Variants in LMBRD1 observed in about 807,000 individuals in gnomAD.
The protein encoded by LMBRD1 is lysosomal cobalamin transport escort protein LMBD1.
LMBRD1 carries 64 observed loss-of-function variants against 74.8 expected under a neutral mutation model. The observed-to-expected ratio is 0.86, with a 90% CI of 0.70 to 1.05. The LOEUF (loss-of-function observed/expected upper bound fraction) is 1.05, where lower values mean the gene tolerates loss of function less well. LMBRD1 is among the 50% of genes least tolerant of loss of function. The pLI, the probability that LMBRD1 is intolerant of heterozygous loss-of-function variation, is 0.00. For synonymous variants in LMBRD1, 204 were observed against 216.3 expected (o/e 0.94, Z 0.50); for missense variants, 652 against 645.9 (o/e 1.01, Z -0.10).
At chr6:69,790,262 G>C (rs1182620473) in intron 2 of LMBRD1, 34 bp downstream of exon 2, 3 of 1,497,234 alleles carry the variant, frequency 2.0e-6, no homozygotes, top group Non-Finnish European at 9.3e-7. Context: ...AAATTTGAAA[G>C]GAAAAAAAAT....
intron 3 of LMBRD1, among the ~76,000 whole-genome samples, chr6:69,768,845 C>A (rs928340163): frequency 6.6e-6 from 1 of 151,834 alleles, no homozygotes; most frequent in Non-Finnish European, 1.5e-5. Context: ...ACACAGAAAT[C>A]TTTATTTTTT....
intron 14 of LMBRD1, among the ~76,000 whole-genome samples, chr6:69,688,525 C>A (rs778385361): frequency 6.6e-6 from 1 of 151,090 alleles, no homozygotes; most frequent in Non-Finnish European, 1.5e-5. Flanking sequence ...AAAGACGGTA[C>A]AAAGACTTTA....
chr6:69,787,877 T>C (rs909607579), intron 2 of LMBRD1, among the ~76,000 whole-genome samples: 2 of 151,848 alleles, frequency 1.3e-5, no homozygotes, highest in African/African-American at 4.8e-5. Flanking sequence ...TACAGCCATA[T>C]TTTTTTTCTT....
At chr6:69,773,683 C>CTAA in intron 3 of LMBRD1, among the ~76,000 whole-genome samples, 1 of 152,070 alleles carries the variant, frequency 6.6e-6, no homozygotes, top group Admixed American at 6.5e-5. Context: ...TATTAAACAC[C>CTAA]TAATAAACTG....
Position 69,697,637 on chromosome 6 carries a change from T to TTAA in LMBRD1, c.1342_1343insTTA (p.Thr447_Asn448insIle), listed in dbSNP as rs1562088287. ...GCCTTTATGATTATCAGAAGTTATA[T>TTAA]TAGTCTGAAAGATAAAAATACAGTT... On this transcript the variant is annotated inframe_insertion, in exon 14 of 16. Coordinates refer to ENST00000649934, the MANE Select transcript of LMBRD1 (RefSeq NM_018368.4). 6.4e-7 allele frequency: 1 copy of TTAA among 1,566,116 alleles called. No individual in the cohort carries two copies. Among genetic ancestry groups the TTAA allele is most frequent in the East Asian group, 2.2e-5 (1 of 44,504 alleles).
chr6:69,691,631 C>T (rs2149839506), intron 14 of LMBRD1, among the ~76,000 whole-genome samples: 1 of 152,132 alleles, frequency 6.6e-6, no homozygotes, highest in East Asian at 1.9e-4. Context: ...AATCCCAGCA[C>T]TTTGGGAGGC....
Position 69,718,916 on chromosome 6 carries a change from T to C in LMBRD1, c.762+40A>G, listed in dbSNP as rs773969478. 2.5e-6 allele frequency: 4 copies of C among 1,607,068 alleles called. No homozygotes were observed. The African/African-American group carries it at 4.0e-5, about 16-fold the overall frequency. On this transcript the variant is annotated intron_variant, in intron 8 of 15. Transcript: ENST00000649934. Reference sequence around the variant, plus strand: ...ATCAGAAAGCAGCTCTAAGACAAAGTAGTTTTATGCTTCCCAATTACACCA... The same window carrying C: ...ATCAGAAAGCAGCTCTAAGACAAAGCAGTTTTATGCTTCCCAATTACACCA...
At position 69,774,992 on chromosome 6, in the gene LMBRD1, AGGGAGGGAGGGAGGGAGGG is replaced by A. The variant is rs1562121760; in HGVS notation, c.307+5483_307+5501del. On this transcript the variant is annotated intron_variant, in intron 3 of 15. Transcript: ENST00000649934. ...AAGGAAGGAAGGAAGGAAGGAAGGG[AGGGAGGGAGGGAGGGAGGG>A]AGGGAGGGAGGGAGGGAGGGAGGGA... 5.0e-3 allele frequency among the ~76,000 whole-genome samples: 156 copies of A among 31,212 alleles called. 5 individuals are homozygous for A. The highest frequency in any genetic ancestry group is 5.9e-3 in the East Asian group (7 of 1,196). The allele number at this position is 31,212 out of a possible 152,430, so 20.5% of individuals were successfully genotyped here. A position where few individuals can be genotyped will look rare whatever the true frequency, so the allele number is the denominator to read the frequency against.
chr6:69,739,220 T>C lies in LMBRD1; in HGVS notation c.563-1205A>G, dbSNP rs72910832. Among the ~76,000 whole-genome samples the C allele has an allele frequency of 8.1e-4, 124 of 152,188 alleles. 1 individual carries two copies. Among genetic ancestry groups the C allele is most frequent in the Non-Finnish European group, 1.5e-3 (103 of 67,982 alleles). On this transcript the variant is annotated intron_variant, in intron 6 of 15. Transcript: ENST00000649934. ...ATTATGTGTCTTAGAAATGGTAAAATAGACATGCTGACATATTTGGCCAAT... is the reference window on the plus strand; with the variant it reads ...ATTATGTGTCTTAGAAATGGTAAAACAGACATGCTGACATATTTGGCCAAT...
intron 7 of LMBRD1, among the ~76,000 whole-genome samples, chr6:69,727,205 G>T (rs1766755416): frequency 6.6e-6 from 1 of 152,128 alleles, no homozygotes; most frequent in African/African-American, 2.4e-5. Flanking sequence ...AATATAATTG[G>T]ACTGTTTGTA....
intron 7 of LMBRD1, 48 bp downstream of exon 7, chr6:69,737,894 A>C (rs755489433): frequency 4.9e-6 from 6 of 1,214,768 alleles, no homozygotes; most frequent in Non-Finnish European, 7.2e-6. Flanking sequence ...AAGGTAAAAA[A>C]ATTGTTTTAT....
At chr6:69,692,357 T>G (rs762170083) in intron 14 of LMBRD1, among the ~76,000 whole-genome samples, 1 of 152,120 alleles carries the variant, frequency 6.6e-6, no homozygotes, top group African/African-American at 2.4e-5. Flanking sequence ...AAAATCAACT[T>G]TGATTTATAG....
intron 14 of LMBRD1, among the ~76,000 whole-genome samples, chr6:69,686,499 C>G (rs1765766996): frequency 6.6e-6 from 1 of 152,084 alleles, no homozygotes; most frequent in Non-Finnish European, 1.5e-5. Flanking sequence ...TTAATAGGTA[C>G]ACATACATTT....
intron 4 of LMBRD1, among the ~76,000 whole-genome samples, chr6:69,750,360 A>T (rs1196576250): frequency 1.3e-5 from 2 of 151,870 alleles, no homozygotes; most frequent in African/African-American, 4.8e-5. Flanking sequence ...AGTACTTAAG[A>T]CCAGGAACTT....
Position 69,796,814 on chromosome 6 carries a change from A to G in LMBRD1, c.68T>C (p.Leu23Pro). ...IGWCIFGLLL[L>P]AILAFCWIYV... Reference sequence around the variant, plus strand: ...GAAAACTCCAAGCGCCTCCCCTACCAGTAGTAAGAGGCCGAATATGCACCA... The same window carrying G: ...GAAAACTCCAAGCGCCTCCCCTACCGGTAGTAAGAGGCCGAATATGCACCA... Residue 23 changes from leucine (L) to proline (P), a missense_variant and splice_region_variant, in exon 1 of 16, where the codon CTG (leucine) becomes CCG (proline). Leu to Pro is a moderately conservative substitution (Grantham distance 98). Coordinates refer to ENST00000649934, the MANE Select transcript of LMBRD1 (RefSeq NM_018368.4). 1.9e-6 allele frequency: 3 copies of G among 1,613,196 alleles called. No homozygotes were observed. The highest frequency in any genetic ancestry group is 2.5e-6 in the Non-Finnish European group (3 of 1,179,608).
intron 8 of LMBRD1, among the ~76,000 whole-genome samples, chr6:69,714,699 T>C (rs757929553): frequency 5.9e-5 from 9 of 152,094 alleles, no homozygotes; most frequent in Non-Finnish European, 1.3e-4. Flanking sequence ...CCATGTATCC[T>C]AGTGCAGCCT....
At chr6:69,696,872 T>C (rs1377895900) in intron 14 of LMBRD1, among the ~76,000 whole-genome samples, 1 of 152,120 alleles carries the variant, frequency 6.6e-6, no homozygotes, top group African/African-American at 2.4e-5. Flanking sequence ...ATTTGACACA[T>C]TACTTTACCA....
chr6:69,743,083 T>C (rs1562108478), intron 5 of LMBRD1, among the ~76,000 whole-genome samples: 1 of 152,154 alleles, frequency 6.6e-6, no homozygotes, highest in Non-Finnish European at 1.5e-5. Context: ...AATAAAATTA[T>C]AACATTTTTG....
rs1765534089 is a variant in LMBRD1, at chr6:69,675,911, AT to A, written c.*246del. 1 of 462,452 alleles carries A rather than the reference AT, an allele frequency of 2.2e-6. No individual in the cohort carries two copies. Among genetic ancestry groups the A allele is most frequent in the Non-Finnish European group, 3.9e-6 (1 of 255,022 alleles). 28.6% of individuals were successfully genotyped at this position (462,452 alleles called of 1,614,324 possible). A position where few individuals can be genotyped will look rare whatever the true frequency, so the allele number is the denominator to read the frequency against. On this transcript the variant is annotated 3_prime_UTR_variant, in exon 16 of 16. Transcript: ENST00000649934. ...ACACTATTATACATTAGAGGAAAAA[AT>A]TTTGCACAAACATTCCCTCACAAAG...
Sources: allele counts gnomAD v4.1 joint callset (sites outside exome capture counted in the v4.1 genomes callset), GRCh38; gene constraint gnomAD v4.1.1; transcripts MANE v1.5; gene names NCBI Gene and HGNC (gene_info 2026-07-23, HGNC 2026-07-21).